The following MAOB variants were observed in gnomAD, a reference collection of about 807,000 sequenced individuals.
MAOB encodes monoamine oxidase B, also known as amine oxidase [flavin-containing] B.
A neutral mutation model predicts 41.9 loss-of-function variants in MAOB; 15 were observed. The observed-to-expected ratio is 0.36, with a 90% CI of 0.24 to 0.55. MAOB has a LOEUF of 0.55. Ranked by LOEUF, MAOB falls within the 20% of genes least tolerant of loss-of-function variation. The pLI, the probability that MAOB is intolerant of heterozygous loss-of-function variation, is 0.86. For missense variants in MAOB, 345 were observed against 398.7 expected (o/e 0.87, Z 1.15); for synonymous variants, 167 against 144.2 (o/e 1.16, Z -1.13).
At position 43,767,565 on chromosome X, in the gene MAOB, G is replaced by A. The variant is rs763123042; in HGVS notation, c.1464C>T (p.Ser488=). 2.5e-5 allele frequency: 30 copies of A among 1,208,594 alleles called. No individual in the cohort carries two copies. The highest frequency in any genetic ancestry group is 5.3e-5 in the African/African-American group (3 of 57,136). The change falls in exon 15 of 15, where the codon TCC becomes TCT. Residue 488 remains serine, a synonymous_variant. Coordinates refer to ENST00000378069, the MANE Select transcript of MAOB (RefSeq NM_000898.5). ...CAATCAGCCTGAGCAGGCCTGGCACGGAGGGCAAATGTCTCTCCAAAAAGG... is the reference window on the plus strand; with the variant it reads ...CAATCAGCCTGAGCAGGCCTGGCACAGAGGGCAAATGTCTCTCCAAAAAGG... ...TTTFLERHLP[S]VPGLLRLIGL... is the part of the protein sequence containing the mutation.
At chrX:43,873,255 T>A (rs1430766041) in intron 1 of MAOB, among the ~76,000 whole-genome samples, 1 of 111,764 alleles carries the variant, frequency 8.9e-6, no homozygotes, top group Non-Finnish European at 1.9e-5. Context: ...ACCACTGGGA[T>A]CACAGCAATA....
At chrX:43,876,817 A>C (rs930948841) in intron 1 of MAOB, among the ~76,000 whole-genome samples, 1 of 112,598 alleles carries the variant, frequency 8.9e-6, no homozygotes, top group Non-Finnish European at 1.9e-5. Context: ...TCTCTGTTAC[A>C]GGCTAATGTT....
At chrX:43,862,967 C>A (rs950553375) in intron 1 of MAOB, among the ~76,000 whole-genome samples, 2 of 111,694 alleles carry the variant, frequency 1.8e-5, no homozygotes, top group African/African-American at 6.5e-5. Context: ...TTTTTCACCT[C>A]CCAAGTTAGA....
In MAOB at chrX:43,766,916, T is replaced by C. The variant is rs1386543483; in HGVS notation, c.*550A>G. On this transcript the variant is annotated 3_prime_UTR_variant, in exon 15 of 15. Coordinates refer to ENST00000378069, the MANE Select transcript of MAOB (RefSeq NM_000898.5). ...AGGTGGGAAAAGCGTTGGATTTGTG[T>C]TCTAGTCCCCCAGATACCAGTGGCT... 8.9e-6 allele frequency: 1 copy of C among 111,820 alleles called. No homozygotes were observed. Among genetic ancestry groups the C allele is most frequent in the Admixed American group, 9.5e-5 (1 of 10,490 alleles). 9.2% of individuals were successfully genotyped at this position (111,820 alleles called of 1,213,427 possible).
intron 1 of MAOB, among the ~76,000 whole-genome samples, chrX:43,845,920 C>CG (rs2035197701): frequency 8.9e-6 from 1 of 111,798 alleles, no homozygotes; most frequent in African/African-American, 3.2e-5. Context: ...TCCCTGTCAC[C>CG]GGGGGCAGAG....
chrX:43,818,897 G>A (rs1221806519), intron 3 of MAOB, among the ~76,000 whole-genome samples: 1 of 112,121 alleles, frequency 8.9e-6, no homozygotes, highest in South Asian at 3.8e-4. Context: ...TTATAACATG[G>A]CATATGGCTG....
intron 3 of MAOB, among the ~76,000 whole-genome samples, chrX:43,823,165 CTTTTTTTTTTTTT>C: frequency 1.7e-5 from 1 of 60,104 alleles, no homozygotes; most frequent in South Asian, 1.2e-3. Context: ...AACAGATGGT[CTTTTTTTTTTTTT>C]TTTTTTTTTT....
chrX:43,798,924 A>T lies in MAOB; in HGVS notation c.477-1658T>A, dbSNP rs12394863. Among the ~76,000 whole-genome samples the T allele has an allele frequency of 5.6e-3, 630 of 111,780 alleles. 3 individuals are homozygous for T. Among genetic ancestry groups the T allele is most frequent in the African/African-American group, 0.019 (597 of 30,847 alleles). ...GGAGTCTCGGACAGTTTAGGAATATATAACGACACAACTTCAAGTCAGATC... is the reference window on the plus strand; with the variant it reads ...GGAGTCTCGGACAGTTTAGGAATATTTAACGACACAACTTCAAGTCAGATC... On this transcript the variant is annotated intron_variant, in intron 5 of 14. Transcript: ENST00000378069.
At chrX:43,772,526 A>T (rs1327369789) in intron 12 of MAOB, among the ~76,000 whole-genome samples, 1 of 112,005 alleles carries the variant, frequency 8.9e-6, no homozygotes, top group Non-Finnish European at 1.9e-5. Context: ...AAACAAAAGT[A>T]ATGCAGTGAT....
At chrX:43,819,701 A>T (rs1420561783) in intron 3 of MAOB, among the ~76,000 whole-genome samples, 2 of 111,865 alleles carry the variant, frequency 1.8e-5, no homozygotes, top group African/African-American at 6.5e-5. Flanking sequence ...CTCATGAGAA[A>T]CTTCTGACAC....
In MAOB at chrX:43,824,590, G is replaced by A. The variant is rs376941978; in HGVS notation, c.279+14278C>T. 4.7e-4 allele frequency among the ~76,000 whole-genome samples: 53 copies of A among 111,949 alleles called. No individual in the cohort carries two copies. In the South Asian group the frequency reaches 0.02, roughly 42 times the overall value. ...CCTAGCTACTCAGGAGGCTGAGGCA[G>A]GAGAATTGCTTGAACCTGGGAGGTA... On this transcript the variant is annotated intron_variant, in intron 3 of 14. Transcript: ENST00000378069.
At chrX:43,855,086 G>C (rs2035279573) in intron 1 of MAOB, among the ~76,000 whole-genome samples, 1 of 111,529 alleles carries the variant, frequency 9.0e-6, no homozygotes, top group African/African-American at 3.3e-5. Context: ...ACCCAGACCA[G>C]GTAGGATGAA....
intron 1 of MAOB, among the ~76,000 whole-genome samples, chrX:43,849,414 C>T (rs914165671): frequency 1.8e-5 from 2 of 112,453 alleles, no homozygotes; most frequent in African/African-American, 3.2e-5. Context: ...TTTAACATCA[C>T]GGATCATACA....
At chrX:43,825,894 C>T (rs1282942341) in intron 3 of MAOB, among the ~76,000 whole-genome samples, 1 of 111,562 alleles carries the variant, frequency 9.0e-6, no homozygotes, top group Non-Finnish European at 1.9e-5. Flanking sequence ...ATTTTTGTTA[C>T]GTCTGAATTA....
rs1167191665 is a variant in MAOB, at chrX:43,842,907, A to T, written c.141+763T>A. 3.6e-5 allele frequency among the ~76,000 whole-genome samples: 4 copies of T among 111,416 alleles called. 1 individual carries two copies. In the East Asian group the frequency reaches 1.1e-3, roughly 31 times the overall value. ...ATATTATCAGGGGCTGGGGGGTGAG[A>T]ACTGAGGGAATGAGGAGTACAAAAT... On this transcript the variant is annotated intron_variant, in intron 2 of 14. Coordinates refer to ENST00000378069, the MANE Select transcript of MAOB (RefSeq NM_000898.5).
At chrX:43,800,577 G>A (rs921334820) in intron 5 of MAOB, among the ~76,000 whole-genome samples, 3 of 110,898 alleles carry the variant, frequency 2.7e-5, no homozygotes, top group African/African-American at 6.5e-5. Context: ...GAAAACACAG[G>A]AGAGGCATAA....
chrX:43,782,701 T>C (rs1389625734), intron 8 of MAOB, among the ~76,000 whole-genome samples: 4 of 111,674 alleles, frequency 3.6e-5, no homozygotes, highest in Non-Finnish European at 5.6e-5. Context: ...AAGACAATTT[T>C]AGACCAATAT....
At chrX:43,781,359 C>A in intron 9 of MAOB, 89 bp downstream of exon 9, 1 of 472,187 alleles carries the variant, frequency 2.1e-6, no homozygotes, top group Non-Finnish European at 3.2e-6. Flanking sequence ...AAAAAAATCA[C>A]TTAACAAAGT....
rs113829693 is a variant in MAOB, at chrX:43,828,541, CA to C, written c.279+10326del. On this transcript the variant is annotated intron_variant, in intron 3 of 14. Transcript: ENST00000378069. The stretch of plus-strand genomic sequence containing the variant: ...GAAAAATCAGTGATGAGGCATAAGA[CA>C]AAAAAAAAAATCAGCATTAGGAAGC... Among the ~76,000 whole-genome samples, 114 of 97,152 alleles carry C rather than the reference CA, an allele frequency of 1.2e-3. No homozygotes were observed. The Middle Eastern group carries it at 0.021, about 18-fold the overall frequency. The allele number at this position is 97,152 out of a possible 115,157, so 84.4% of individuals were successfully genotyped here.
Sources: gnomAD v4.1 joint callset for allele counts (sites outside exome capture counted in the v4.1 genomes callset) on GRCh38, gnomAD v4.1.1 for gene constraint, MANE v1.5 for transcripts, NCBI Gene and HGNC (gene_info 2026-07-23, HGNC 2026-07-21) for gene names.